Variants in TMEM178B observed in about 807,000 individuals in gnomAD.
TMEM178B encodes the protein transmembrane protein 178B.
TMEM178B carries 5 observed loss-of-function variants against 31.0 expected under a neutral mutation model. That is an observed-to-expected ratio of 0.16 (90% CI 0.08 to 0.34). The LOEUF (loss-of-function observed/expected upper bound fraction) is 0.34, where lower values mean the gene tolerates loss of function less well. Among genes scored for constraint, TMEM178B ranks in the 10% least tolerant of loss-of-function variants. TMEM178B has a pLI of 1.00. For synonymous variants in TMEM178B, 164 were observed against 164.0 expected, an observed-to-expected ratio of 1.00 and a Z score of 0.00; for missense variants, 275 against 400.3, an observed-to-expected ratio of 0.69 and a Z score of 2.67.
chr7:141,240,224 C>T (rs762002493), intron 2 of TMEM178B, among the ~76,000 whole-genome samples: 15 of 152,118 alleles, frequency 9.9e-5, no homozygotes, highest in Non-Finnish European at 1.9e-4. Flanking sequence ...GAATTTACTC[C>T]TCCCATTTAA....
intron 1 of TMEM178B, among the ~76,000 whole-genome samples, chr7:141,199,138 G>A (rs1796834142): frequency 6.6e-6 from 1 of 152,140 alleles, no homozygotes; most frequent in Non-Finnish European, 1.5e-5. Flanking sequence ...AAGCGGCTAT[G>A]TAATGACATT....
At position 141,440,581 on chromosome 7, in the gene TMEM178B, G is replaced by A. The variant is rs1801639521; in HGVS notation, c.634+2836G>A. Among the ~76,000 whole-genome samples the A allele has an allele frequency of 2.6e-5, 4 of 152,170 alleles. No individual in the cohort carries two copies. In the South Asian group the frequency reaches 6.2e-4, roughly 24 times the overall value. Reference sequence around the variant, plus strand: ...CATACTTTATGCTGCAAGAGACAGGGCAGGGCTGAGATGGGGCCTCGATTA... The same window carrying A: ...CATACTTTATGCTGCAAGAGACAGGACAGGGCTGAGATGGGGCCTCGATTA... On this transcript the variant is annotated intron_variant, in intron 3 of 3. Coordinates refer to ENST00000565468, the MANE Select transcript of TMEM178B (RefSeq NM_001195278.2).
intron 2 of TMEM178B, among the ~76,000 whole-genome samples, chr7:141,372,642 A>G (rs929082153): frequency 1.8e-4 from 27 of 152,242 alleles, no homozygotes; most frequent in African/African-American, 6.3e-4. Flanking sequence ...TAAGGGACAC[A>G]AGAGAAGTTG....
At chr7:141,274,859 C>T (rs1351502215) in intron 2 of TMEM178B, among the ~76,000 whole-genome samples, 1 of 152,126 alleles carries the variant, frequency 6.6e-6, no homozygotes, top group African/African-American at 2.4e-5. Context: ...GCTCTGTTGC[C>T]CTGGTCTAAT....
intron 2 of TMEM178B, among the ~76,000 whole-genome samples, chr7:141,249,897 C>G (rs1183659126): frequency 2.6e-5 from 4 of 152,150 alleles, no homozygotes; most frequent in Non-Finnish European, 5.9e-5. Context: ...TCTAATAATT[C>G]AGAGGCAAGC....
At chr7:141,239,845 A>G (rs1183043518) in intron 2 of TMEM178B, among the ~76,000 whole-genome samples, 4 of 152,160 alleles carry the variant, frequency 2.6e-5, no homozygotes, top group Admixed American at 1.3e-4. Flanking sequence ...GTGGCAGTGA[A>G]CCTGGGCTTT....
chr7:141,074,150 C>A lies in TMEM178B; in HGVS notation c.-161C>A, dbSNP rs1031934047. The A allele has an allele frequency of 1.1e-5, 12 of 1,097,704 alleles. No individual in the cohort carries two copies. In the African/African-American group the frequency reaches 1.8e-4, roughly 17 times the overall value. 68.0% of individuals were successfully genotyped at this position (1,097,704 alleles called of 1,614,324 possible). A position where few individuals can be genotyped will look rare whatever the true frequency, so the allele number is the denominator to read the frequency against. On this transcript the variant is annotated 5_prime_UTR_variant, in exon 1 of 4. Transcript: ENST00000565468. The surrounding 1 kb of genome is among the most constrained non-coding windows in gnomAD (Gnocchi z 5.1). ...CGCCCGCCCCCATCCCCGCAGTCCC[C>A]GGGCCGTGCTCCGGTAGGCGGGGGC...
intron 2 of TMEM178B, among the ~76,000 whole-genome samples, chr7:141,325,828 A>C (rs1305358468): frequency 6.6e-6 from 1 of 152,200 alleles, no homozygotes; most frequent in African/African-American, 2.4e-5. Context: ...CCTGGGAAAA[A>C]AAAAAGTCTG....
intron 2 of TMEM178B, among the ~76,000 whole-genome samples, chr7:141,272,530 T>C (rs906194777): frequency 1.3e-5 from 2 of 152,224 alleles, no homozygotes; most frequent in African/African-American, 4.8e-5. Flanking sequence ...GCTGTTTCCC[T>C]GCCAAAAAAC....
At chr7:141,307,458 A>G (rs970760458) in intron 2 of TMEM178B, among the ~76,000 whole-genome samples, 1 of 152,180 alleles carries the variant, frequency 6.6e-6, no homozygotes, top group Non-Finnish European at 1.5e-5. Context: ...TGGGTCCCCT[A>G]CATGCTTTCC....
intron 1 of TMEM178B, among the ~76,000 whole-genome samples, chr7:141,201,019 G>T (rs1179830348): frequency 6.6e-6 from 1 of 151,946 alleles, no homozygotes; most frequent in Non-Finnish European, 1.5e-5. Context: ...TTTTTTCAGG[G>T]GCTGGAACAA....
intron 2 of TMEM178B, among the ~76,000 whole-genome samples, chr7:141,301,214 C>G (rs186762514): frequency 6.6e-6 from 1 of 152,282 alleles, no homozygotes; most frequent in Admixed American, 6.5e-5. Flanking sequence ...ATTAGCATTT[C>G]CTTTTATGCC....
intron 2 of TMEM178B, among the ~76,000 whole-genome samples, chr7:141,396,934 A>T (rs1280364827): frequency 6.6e-6 from 1 of 152,240 alleles, no homozygotes; most frequent in African/African-American, 2.4e-5. Flanking sequence ...GATTATTGTC[A>T]TTCATTCAGG....
chr7:141,274,605 G>A (rs1311096713), intron 2 of TMEM178B, among the ~76,000 whole-genome samples: 1 of 152,206 alleles, frequency 6.6e-6, no homozygotes, highest in Non-Finnish European at 1.5e-5. Context: ...CACAGGTATG[G>A]CAACCCAATC....
chr7:141,322,742 C>T (rs979668389), intron 2 of TMEM178B, among the ~76,000 whole-genome samples: 2 of 152,200 alleles, frequency 1.3e-5, no homozygotes, highest in African/African-American at 2.4e-5. Context: ...ACATGGCCTT[C>T]GACTGAGGTT....
intron 1 of TMEM178B, among the ~76,000 whole-genome samples, chr7:141,191,480 G>A (rs975285085): frequency 1.1e-4 from 17 of 152,196 alleles, no homozygotes; most frequent in African/African-American, 3.4e-4. Flanking sequence ...GGCCACTCAC[G>A]ACAGTGTCTG....
At chr7:141,238,710 A>G (rs567464809) in intron 2 of TMEM178B, among the ~76,000 whole-genome samples, 1 of 152,332 alleles carries the variant, frequency 6.6e-6, no homozygotes, top group Admixed American at 6.5e-5. Context: ...TGGGTGTGCC[A>G]CTGTGAGTTT....
At chr7:141,313,809 T>C (rs1278914760) in intron 2 of TMEM178B, among the ~76,000 whole-genome samples, 1 of 126,484 alleles carries the variant, frequency 7.9e-6, no homozygotes, top group Admixed American at 7.9e-5. Flanking sequence ...CTTTGTGCAT[T>C]ATTGATGTGC....
chr7:141,089,955 A>G (rs1240981028), intron 1 of TMEM178B, among the ~76,000 whole-genome samples: 2 of 152,032 alleles, frequency 1.3e-5, no homozygotes, highest in Non-Finnish European at 2.9e-5. Context: ...ATATGTATAC[A>G]TATGTAACAT....
Sources: gnomAD v4.1 joint callset for allele counts (sites outside exome capture counted in the v4.1 genomes callset) on GRCh38, gnomAD v4.1.1 for gene constraint, Gnocchi (gnomAD v3.1) non-coding constraint, MANE v1.5 for transcripts, NCBI Gene and HGNC (gene_info 2026-07-23, HGNC 2026-07-21) for gene names.